The following LSAMP variants were observed in gnomAD, a reference collection of about 807,000 sequenced individuals.
The protein encoded by LSAMP is limbic system associated membrane protein.
A neutral mutation model predicts 38.6 loss-of-function variants in LSAMP; 7 were observed. That is an observed-to-expected ratio of 0.18 (90% CI 0.10 to 0.34). The LOEUF is 0.34. Ranked by LOEUF, LSAMP falls within the 10% of genes least tolerant of loss-of-function variation. LSAMP has a pLI of 1.00. For missense variants in LSAMP, 313 were observed against 420.0 expected, an observed-to-expected ratio of 0.75 and a Z score of 2.23; for synonymous variants, 154 against 166.8, an observed-to-expected ratio of 0.92 and a Z score of 0.59.
At chr3:116,034,337 C>T (rs1267900735) in intron 2 of LSAMP, among the ~76,000 whole-genome samples, 3 of 152,060 alleles carry the variant, frequency 2.0e-5, no homozygotes, top group Non-Finnish European at 4.4e-5. Flanking sequence ...ATTCTTGATT[C>T]TCAGCCCATA....
chr3:116,403,962 C>A lies in LSAMP; in HGVS notation c.155+40915G>T, dbSNP rs545805199. ...TTTTTAACCTAGAGACAGAGTCTCC[C>A]TATATTGCCCAGGCTGGTCTCAAAC... On this transcript the variant is annotated intron_variant, in intron 1 of 6. Transcript: ENST00000490035. Among the ~76,000 whole-genome samples, 7 of 151,758 alleles carry A rather than the reference C, an allele frequency of 4.6e-5. 1 individual carries two copies. Among genetic ancestry groups the A allele is most frequent in the Non-Finnish European group, 1.0e-4 (7 of 67,970 alleles).
intron 1 of LSAMP, among the ~76,000 whole-genome samples, chr3:116,354,148 G>C (rs1157176272): frequency 6.6e-6 from 1 of 152,160 alleles, no homozygotes. Flanking sequence ...TAATAGAATA[G>C]TTGGTCTTGC....
intron 1 of LSAMP, among the ~76,000 whole-genome samples, chr3:116,408,290 T>C (rs1238740105): frequency 1.3e-5 from 2 of 152,084 alleles, no homozygotes; most frequent in African/African-American, 2.4e-5. Flanking sequence ...CATTCATCAA[T>C]GCTATGTGTT....
intron 1 of LSAMP, among the ~76,000 whole-genome samples, chr3:116,432,628 T>C (rs2049296374): frequency 6.6e-6 from 1 of 152,118 alleles, no homozygotes; most frequent in Admixed American, 6.6e-5. Flanking sequence ...TTTCTTCTTC[T>C]TGTGAATGTA....
At chr3:116,081,398 G>A (rs1305438563) in intron 2 of LSAMP, among the ~76,000 whole-genome samples, 5 of 151,810 alleles carry the variant, frequency 3.3e-5, no homozygotes, top group Non-Finnish European at 7.4e-5. Context: ...AGGTTGCAGT[G>A]AGCCAAGACG....
At chr3:116,319,127 C>T (rs4831093) in intron 1 of LSAMP, among the ~76,000 whole-genome samples, 135,236 of 152,124 alleles carry the variant, frequency 0.89, 60,157 homozygotes, top group East Asian at 0.96. Context: ...TCAACCATTT[C>T]TCTTTAAACA....
At chr3:116,277,374 GT>G (rs34545044) in intron 1 of LSAMP, among the ~76,000 whole-genome samples, 4,460 of 144,936 alleles carry the variant, frequency 0.031, 184 homozygotes, top group African/African-American at 0.1. Context: ...CTCATCTTGT[GT>G]TTTTTTTTTT....
chr3:116,336,498 G>A (rs2047921024), intron 1 of LSAMP, among the ~76,000 whole-genome samples: 1 of 151,908 alleles, frequency 6.6e-6, no homozygotes, highest in Non-Finnish European at 1.5e-5. Flanking sequence ...CACGTGAAAA[G>A]ATGCTCAACA....
At chr3:115,999,440 C>CTCCTGCAGAGCTAATATGTTGTGCTTA (rs1939924190) in intron 3 of LSAMP, among the ~76,000 whole-genome samples, 1 of 152,158 alleles carries the variant, frequency 6.6e-6, no homozygotes, top group South Asian at 2.1e-4. Flanking sequence ...TTTCTGGCAG[C>CTCCTGCAGAGCTAATATGTTGTGCTTA]TCCTGCAGAG....
chr3:116,208,842 G>C (rs1179455269), intron 1 of LSAMP, among the ~76,000 whole-genome samples: 1 of 152,200 alleles, frequency 6.6e-6, no homozygotes, highest in Admixed American at 6.5e-5. Flanking sequence ...AGAGTTTACT[G>C]CTGTCTTTTT....
intron 3 of LSAMP, among the ~76,000 whole-genome samples, chr3:115,937,332 C>T (rs1020374893): frequency 5.7e-4 from 86 of 152,184 alleles, no homozygotes; most frequent in African/African-American, 2.0e-3. Context: ...AAAATCAAAA[C>T]ATGGTGGCAT....
At chr3:116,435,388 A>G (rs924297291) in intron 1 of LSAMP, among the ~76,000 whole-genome samples, 1 of 152,104 alleles carries the variant, frequency 6.6e-6, no homozygotes, top group African/African-American at 2.4e-5. Context: ...ATCAGCTGAT[A>G]ACCTCCGTGT....
chr3:115,952,366 C>A (rs923846703), intron 3 of LSAMP, among the ~76,000 whole-genome samples: 2 of 152,124 alleles, frequency 1.3e-5, no homozygotes, highest in African/African-American at 4.8e-5. Context: ...TATACAAACA[C>A]CATGGAATAC....
In LSAMP at chr3:116,274,281, A is replaced by G. The variant is rs2047017815; in HGVS notation, c.155+170596T>C. On this transcript the variant is annotated intron_variant, in intron 1 of 6. Transcript: ENST00000490035. ...TAGTTTGTACTTTTGTTTTTTCATT[A>G]TTATCTTCCTGCTTTTGTCACTGGG... Among the ~76,000 whole-genome samples the G allele has an allele frequency of 1.3e-5, 2 of 152,022 alleles. 1 individual carries two copies. The highest frequency in any genetic ancestry group is 4.1e-4 in the South Asian group (2 of 4,822).
chr3:116,341,211 CTT>C (rs2047990901), intron 1 of LSAMP, among the ~76,000 whole-genome samples: 1 of 151,810 alleles, frequency 6.6e-6, no homozygotes, highest in Non-Finnish European at 1.5e-5. Context: ...TCCAAATTAA[CTT>C]AGGTAATTTA....
intron 1 of LSAMP, among the ~76,000 whole-genome samples, chr3:116,435,696 T>G (rs1482716916): frequency 6.6e-6 from 1 of 152,154 alleles, no homozygotes; most frequent in Non-Finnish European, 1.5e-5. Flanking sequence ...AGGTAAATTT[T>G]GTATCTATTG....
chr3:115,890,384 A>G (rs1013652720), intron 3 of LSAMP, among the ~76,000 whole-genome samples: 1 of 151,884 alleles, frequency 6.6e-6, no homozygotes. Flanking sequence ...AACAAGCACA[A>G]TTTACTCCTC....
intron 1 of LSAMP, among the ~76,000 whole-genome samples, chr3:116,157,137 G>C (rs1162925202): frequency 6.6e-6 from 1 of 152,052 alleles, no homozygotes; most frequent in Non-Finnish European, 1.5e-5. Context: ...TACCAGGGTG[G>C]TTCTAACGAC....
intron 4 of LSAMP, among the ~76,000 whole-genome samples, chr3:115,851,892 T>C (rs1477770531): frequency 6.6e-6 from 1 of 152,178 alleles, no homozygotes; most frequent in Non-Finnish European, 1.5e-5. Flanking sequence ...AAGTTCAAAG[T>C]ATGCCCACTT....
Sources: gnomAD v4.1 joint callset for allele counts (sites outside exome capture counted in the v4.1 genomes callset) on GRCh38, gnomAD v4.1.1 for gene constraint, MANE v1.5 for transcripts, NCBI Gene and HGNC (gene_info 2026-07-23, HGNC 2026-07-21) for gene names.